BOLA3: variants seen among roughly 807,000 people sequenced by gnomAD.
The protein encoded by BOLA3 is bolA family member 3.
BOLA3 carries 8 observed loss-of-function variants against 14.5 expected under a neutral mutation model. The ratio of observed to expected loss-of-function variants is 0.55; its 90% confidence interval spans 0.32 to 0.99. The LOEUF (loss-of-function observed/expected upper bound fraction) is 0.99. Among genes scored for constraint, BOLA3 ranks in the 50% least tolerant of loss-of-function variants. The pLI, the probability that BOLA3 is intolerant of heterozygous loss-of-function variation, is 0.04. For missense variants in BOLA3, 115 were observed against 138.2 expected, an observed-to-expected ratio of 0.83 and a Z score of 0.84; for synonymous variants, 42 against 45.7, an observed-to-expected ratio of 0.92 and a Z score of 0.33.
intron 2 of BOLA3, among the ~76,000 whole-genome samples, chr2:74,143,853 ATTT>A (rs3045552): frequency 8.6e-5 from 12 of 139,776 alleles, no homozygotes; most frequent in African/African-American, 8.0e-5. Context: ...TGCCTGGCTA[ATTT>A]TTTTTTTTTT....
intron 2 of BOLA3, among the ~76,000 whole-genome samples, chr2:74,143,974 A>C (rs1692493645): frequency 6.8e-6 from 1 of 146,372 alleles, no homozygotes; most frequent in Non-Finnish European, 1.5e-5. Flanking sequence ...CTGGGATTAC[A>C]GACATGAGCC....
intron 3 of BOLA3, among the ~76,000 whole-genome samples, chr2:74,139,211 C>T (rs1244787003): frequency 6.6e-6 from 1 of 152,188 alleles, no homozygotes; most frequent in Admixed American, 6.5e-5. Flanking sequence ...ATGCCAGTAT[C>T]GGATGGGTTG....
chr2:74,143,523 T>C (rs1692486190), intron 2 of BOLA3, among the ~76,000 whole-genome samples: 1 of 152,002 alleles, frequency 6.6e-6, no homozygotes, highest in South Asian at 2.1e-4. Context: ...GTTCTCAGCC[T>C]CAACTCCCCT....
At chr2:74,135,708 C>T (rs1692311816) in intron 3 of BOLA3, 50 bp from the exon 4 acceptor site, 6 of 1,260,050 alleles carry the variant, frequency 4.8e-6, no homozygotes, top group Non-Finnish European at 7.0e-6. Flanking sequence ...ACGTTGATTA[C>T]AGTAATTCTC....
At chr2:74,143,154 C>T (rs564841263) in intron 2 of BOLA3, among the ~76,000 whole-genome samples, 5 of 142,698 alleles carry the variant, frequency 3.5e-5, no homozygotes, top group African/African-American at 1.0e-4. Context: ...ACAGGCTTTG[C>T]TCTGCTTCTT....
At chr2:74,144,571 GA>G (rs1692507836) in intron 2 of BOLA3, among the ~76,000 whole-genome samples, 1 of 152,198 alleles carries the variant, frequency 6.6e-6, no homozygotes, top group South Asian at 2.1e-4. Context: ...TGTGGATGCA[GA>G]AGTTGCTTCT....
chr2:74,140,047 G>A (rs573060127), intron 3 of BOLA3, among the ~76,000 whole-genome samples: 1 of 152,322 alleles, frequency 6.6e-6, no homozygotes, highest in South Asian at 2.1e-4. Flanking sequence ...ACTTTGGGAG[G>A]CCGAGGCAGG....
At chr2:74,145,554 A>T in intron 1 of BOLA3, 1 of 535,162 alleles carries the variant, frequency 1.9e-6, no homozygotes, top group Non-Finnish European at 3.4e-6. Flanking sequence ...CAGAGACAAG[A>T]GGCCCCAAAC....
intron 3 of BOLA3, among the ~76,000 whole-genome samples, chr2:74,139,168 C>T (rs906396195): frequency 1.3e-5 from 2 of 152,124 alleles, no homozygotes; most frequent in African/African-American, 2.4e-5. Flanking sequence ...CAGGGAATCC[C>T]GCAGGGACAG....
chr2:74,141,416 A>G (rs1044188327), intron 3 of BOLA3, among the ~76,000 whole-genome samples: 1 of 151,716 alleles, frequency 6.6e-6, no homozygotes, highest in Non-Finnish European at 1.5e-5. Flanking sequence ...CCTGCTGGGG[A>G]GGGAGGGGAG....
chr2:74,144,471 G>A (rs1692505270), intron 2 of BOLA3, among the ~76,000 whole-genome samples: 1 of 152,246 alleles, frequency 6.6e-6, no homozygotes. Flanking sequence ...GAGAGATTCA[G>A]ACTGATGCCT....
At chr2:74,137,840 G>C (rs979515850) in intron 3 of BOLA3, among the ~76,000 whole-genome samples, 1 of 152,174 alleles carries the variant, frequency 6.6e-6, no homozygotes, top group Non-Finnish European at 1.5e-5. Flanking sequence ...AATGTCCCTG[G>C]AAAAAGCCTC....
chr2:74,140,489 G>C (rs1003276270), intron 3 of BOLA3, among the ~76,000 whole-genome samples: 1 of 152,210 alleles, frequency 6.6e-6, no homozygotes, highest in African/African-American at 2.4e-5. Flanking sequence ...TGTTAGGTGT[G>C]GGGGACACAG....
intron 2 of BOLA3, among the ~76,000 whole-genome samples, chr2:74,143,091 C>G (rs369426124): frequency 5.7e-4 from 87 of 152,282 alleles, no homozygotes; most frequent in African/African-American, 1.9e-3. Context: ...AAGAATATGT[C>G]CCCTGCATGA....
chr2:74,143,378 C>G (rs1430601369), intron 2 of BOLA3, among the ~76,000 whole-genome samples: 2 of 152,146 alleles, frequency 1.3e-5, no homozygotes, highest in Non-Finnish European at 2.9e-5. Context: ...CCAGGATGGT[C>G]TCGATCTCCT....
chr2:74,143,249 A>G (rs547962703), intron 2 of BOLA3, among the ~76,000 whole-genome samples: 1 of 151,686 alleles, frequency 6.6e-6, no homozygotes, highest in East Asian at 1.9e-4. Context: ...TCCGCCTCCC[A>G]GGTTCACACC....
intron 2 of BOLA3, among the ~76,000 whole-genome samples, chr2:74,144,234 C>G (rs1692500868): frequency 6.6e-6 from 1 of 151,598 alleles, no homozygotes; most frequent in Admixed American, 6.6e-5. Flanking sequence ...GTCTTGAACT[C>G]CTGACCTCGT....
At chr2:74,136,900 G>A (rs1369278939) in intron 3 of BOLA3, among the ~76,000 whole-genome samples, 1 of 152,166 alleles carries the variant, frequency 6.6e-6, no homozygotes, top group East Asian at 1.9e-4. Context: ...AAATCTGAAG[G>A]AACTACCAGA....
At chr2:74,141,610 G>A (rs1056867705) in intron 3 of BOLA3, among the ~76,000 whole-genome samples, 2 of 152,140 alleles carry the variant, frequency 1.3e-5, no homozygotes, top group Non-Finnish European at 2.9e-5. Context: ...CTCAATGCAT[G>A]AGAGGCCACC....
Sources: gnomAD v4.1 joint callset for allele counts (sites outside exome capture counted in the v4.1 genomes callset) on GRCh38, gnomAD v4.1.1 for gene constraint, MANE v1.5 for transcripts, NCBI Gene and HGNC (gene_info 2026-07-23, HGNC 2026-07-21) for gene names.